ASIC2: variants seen among roughly 807,000 people sequenced by gnomAD.
ASIC2 encodes acid sensing ion channel subunit 2.
In ASIC2, 25 loss-of-function variants were observed where a neutral mutation model predicts 57.3. That is an observed-to-expected ratio of 0.44 (90% CI 0.32 to 0.61). The LOEUF is 0.61. ASIC2 is among the 20% of genes least tolerant of loss of function. ASIC2 has a pLI of 0.06. For missense variants in ASIC2, 641 were observed against 738.1 expected, an observed-to-expected ratio of 0.87 and a Z score of 1.52; for synonymous variants, 319 against 307.5, an observed-to-expected ratio of 1.04 and a Z score of -0.39.
At chr17:33,373,259 T>C (rs1220390244) in intron 1 of ASIC2, among the ~76,000 whole-genome samples, 1 of 152,196 alleles carries the variant, frequency 6.6e-6, no homozygotes, top group Non-Finnish European at 1.5e-5. Flanking sequence ...GACAGGGTGT[T>C]CTGAAACCAC....
At chr17:33,815,079 C>G (rs948619988) in intron 1 of ASIC2, among the ~76,000 whole-genome samples, 11 of 151,888 alleles carry the variant, frequency 7.2e-5, no homozygotes, top group Non-Finnish European at 5.9e-5. Flanking sequence ...CGAGTGTGTT[C>G]TCAGGAAGGC....
At chr17:33,935,859 T>C (rs930057345) in intron 1 of ASIC2, 9 of 152,242 alleles carry the variant, frequency 5.9e-5, no homozygotes, top group Non-Finnish European at 8.8e-5. Context: ...CAGAACACCT[T>C]ATCTGCTGCA....
chr17:33,412,403 T>C (rs1454418869), intron 1 of ASIC2, among the ~76,000 whole-genome samples: 2 of 152,182 alleles, frequency 1.3e-5, no homozygotes, highest in African/African-American at 2.4e-5. Context: ...ACTGTGAGAC[T>C]TCATGGGTGA....
At chr17:33,101,578 C>T (rs2092212236) in intron 2 of ASIC2, among the ~76,000 whole-genome samples, 2 of 152,144 alleles carry the variant, frequency 1.3e-5, no homozygotes, top group Admixed American at 1.3e-4. Flanking sequence ...CCTGTCTACC[C>T]AATTTCTACC....
chr17:33,532,066 G>A (rs1915069250), intron 1 of ASIC2, among the ~76,000 whole-genome samples: 1 of 152,188 alleles, frequency 6.6e-6, no homozygotes, highest in Admixed American at 6.5e-5. Context: ...CTTCCAGGGA[G>A]GTGGGTCTGT....
rs1233637548 is a variant in ASIC2, at chr17:33,292,237, C to A, written c.-122G>T. The A allele has an allele frequency of 2.1e-5, 21 of 995,698 alleles. No homozygotes were observed. The highest frequency in any genetic ancestry group is 2.5e-5 in the Non-Finnish European group (21 of 838,672). 61.7% of individuals were successfully genotyped at this position (995,698 alleles called of 1,614,324 possible). A position where few individuals can be genotyped will look rare whatever the true frequency, so the allele number is the denominator to read the frequency against. Reference sequence around the variant, plus strand: ...CCGCGCGCAGCCCGCGCCAGGGAAGCGTGCGCCCGAAAGGAGCTCCGGTGG... The same window carrying A: ...CCGCGCGCAGCCCGCGCCAGGGAAGAGTGCGCCCGAAAGGAGCTCCGGTGG... On this transcript the variant is annotated 5_prime_UTR_variant, in exon 1 of 10. Transcript: ENST00000225823.
intron 1 of ASIC2, among the ~76,000 whole-genome samples, chr17:33,703,609 T>C (rs1443914862): frequency 6.6e-6 from 1 of 152,158 alleles, no homozygotes; most frequent in African/African-American, 2.4e-5. Flanking sequence ...CACTTTGGCC[T>C]CCCAAAGTAC....
intron 1 of ASIC2, among the ~76,000 whole-genome samples, chr17:33,878,023 T>C (rs1030210113): frequency 2.1e-4 from 32 of 152,106 alleles, no homozygotes; most frequent in African/African-American, 7.7e-4. Context: ...TCCAGCGAAC[T>C]CCAACAGACC....
intron 1 of ASIC2, among the ~76,000 whole-genome samples, chr17:33,645,394 A>G (rs1481261424): frequency 6.6e-6 from 1 of 152,224 alleles, no homozygotes; most frequent in Non-Finnish European, 1.5e-5. Flanking sequence ...AACTTGGCTC[A>G]AGACTTTTTG....
chr17:33,354,765 A>C (rs1320521221), intron 1 of ASIC2, among the ~76,000 whole-genome samples: 1 of 152,020 alleles, frequency 6.6e-6, no homozygotes, highest in East Asian at 1.9e-4. Flanking sequence ...TCCCCTGTTT[A>C]TATGCTCAGC....
chr17:33,395,603 T>C (rs1406375323), intron 1 of ASIC2, among the ~76,000 whole-genome samples: 1 of 152,216 alleles, frequency 6.6e-6, no homozygotes, highest in Non-Finnish European at 1.5e-5. Flanking sequence ...TGTCCATCCA[T>C]CTATTTGTCC....
intron 1 of ASIC2, among the ~76,000 whole-genome samples, chr17:33,272,419 G>A (rs1214850837): frequency 1.3e-5 from 2 of 152,184 alleles, no homozygotes; most frequent in Admixed American, 1.3e-4. Context: ...AACTCTTACT[G>A]AATAAATGAC....
At chr17:33,817,345 C>G (rs1445313953) in intron 1 of ASIC2, among the ~76,000 whole-genome samples, 1 of 152,212 alleles carries the variant, frequency 6.6e-6, no homozygotes, top group Non-Finnish European at 1.5e-5. Context: ...GATCCCCCTA[C>G]TGCCTCAGAC....
At chr17:33,442,603 G>T (rs1482387684) in intron 1 of ASIC2, among the ~76,000 whole-genome samples, 1 of 152,024 alleles carries the variant, frequency 6.6e-6, no homozygotes, top group East Asian at 1.9e-4. Flanking sequence ...ATTTTGAAAA[G>T]ATGATCTTAT....
intron 1 of ASIC2, among the ~76,000 whole-genome samples, chr17:34,110,576 G>A (rs1048067451): frequency 6.6e-6 from 1 of 152,156 alleles, no homozygotes; most frequent in Non-Finnish European, 1.5e-5. Context: ...AGCTGCCCAA[G>A]TGCCAGGCAT....
intron 1 of ASIC2, among the ~76,000 whole-genome samples, chr17:33,364,796 A>G (rs1908741249): frequency 6.6e-6 from 1 of 152,118 alleles, no homozygotes; most frequent in South Asian, 2.1e-4. Flanking sequence ...TAATGTCTTT[A>G]CAGAAGTCAC....
intron 2 of ASIC2, among the ~76,000 whole-genome samples, chr17:33,101,787 G>T (rs2092212960): frequency 1.3e-5 from 2 of 152,102 alleles, no homozygotes; most frequent in African/African-American, 4.8e-5. Context: ...ATTGTGCACA[G>T]CCCAGCCTTG....
chr17:33,908,057 G>C (rs1231200334), intron 1 of ASIC2, among the ~76,000 whole-genome samples: 1 of 152,164 alleles, frequency 6.6e-6, no homozygotes, highest in Non-Finnish European at 1.5e-5. Flanking sequence ...AGACTGTACG[G>C]AGAAATTTCC....
intron 1 of ASIC2, among the ~76,000 whole-genome samples, chr17:33,370,231 T>C (rs1182408027): frequency 6.6e-6 from 1 of 152,100 alleles, no homozygotes; most frequent in East Asian, 1.9e-4. Context: ...GCTACCTGAA[T>C]TGGAATGAGC....
Sources: gnomAD v4.1 joint callset for allele counts (sites outside exome capture counted in the v4.1 genomes callset) on GRCh38, gnomAD v4.1.1 for gene constraint, MANE v1.5 for transcripts, NCBI Gene and HGNC (gene_info 2026-07-23, HGNC 2026-07-21) for gene names.